The following DOCK3 variants were observed in gnomAD, a reference collection of about 807,000 sequenced individuals.
DOCK3 encodes dedicator of cytokinesis 3.
DOCK3 carries 60 observed loss-of-function variants against 265.6 expected under a neutral mutation model. That is an observed-to-expected ratio of 0.23 (90% CI 0.18 to 0.28). The LOEUF (loss-of-function observed/expected upper bound fraction) is 0.28. Among genes scored for constraint, DOCK3 ranks in the 10% least tolerant of loss-of-function variants. The pLI is 1.00. For synonymous variants in DOCK3, 881 were observed against 938.0 expected, an observed-to-expected ratio of 0.94 and a Z score of 1.11; for missense variants, 1,981 against 2,594.3, an observed-to-expected ratio of 0.76 and a Z score of 5.14.
At chr3:50,928,127 TGA>T (rs1491438086) in intron 4 of DOCK3, among the ~76,000 whole-genome samples, 1 of 60,116 alleles carries the variant, frequency 1.7e-5, no homozygotes. Flanking sequence ...TTTATTGTGA[TGA>T]TATATATATA....
chr3:50,778,791 G>C (rs1326672937), intron 2 of DOCK3, 33 bp downstream of exon 2: 1 of 1,463,416 alleles, frequency 6.8e-7, no homozygotes, highest in Non-Finnish European at 9.3e-7. Context: ...CATAAATTGT[G>C]ATCATTTTTG....
intron 9 of DOCK3, among the ~76,000 whole-genome samples, chr3:51,131,079 C>T (rs980148792): frequency 6.6e-6 from 1 of 152,098 alleles, no homozygotes; most frequent in African/African-American, 2.4e-5. Context: ...CCTTTCCCAC[C>T]GTAATAGCCC....
intron 27 of DOCK3, among the ~76,000 whole-genome samples, chr3:51,305,733 CGCGTGTGTGT>C (rs1321767364): frequency 3.7e-5 from 5 of 135,620 alleles, no homozygotes; most frequent in South Asian, 2.4e-4. Flanking sequence ...TGTGTGTGTG[CGCGTGTGTGT>C]GTGTGTGTGT....
chr3:51,048,218 C>T (rs1474498637), intron 5 of DOCK3, among the ~76,000 whole-genome samples: 1 of 151,704 alleles, frequency 6.6e-6, no homozygotes, highest in African/African-American at 2.4e-5. Flanking sequence ...ATTAAGTATA[C>T]AATGAATGTA....
chr3:50,922,926 C>G (rs1164723941), intron 4 of DOCK3, among the ~76,000 whole-genome samples: 1 of 152,098 alleles, frequency 6.6e-6, no homozygotes, highest in Non-Finnish European at 1.5e-5. Context: ...CCCTTCCCAC[C>G]TTTTCCCCGA....
intron 5 of DOCK3, among the ~76,000 whole-genome samples, chr3:51,009,508 TTTC>T (rs1202684623): frequency 1.3e-5 from 2 of 152,312 alleles, no homozygotes; most frequent in South Asian, 2.1e-4. Context: ...TCTTCTCTCT[TTTC>T]TTCTTTATTA....
At chr3:51,143,744 G>A (rs1576225082) in intron 9 of DOCK3, among the ~76,000 whole-genome samples, 2 of 152,074 alleles carry the variant, frequency 1.3e-5, no homozygotes, top group East Asian at 1.9e-4. Flanking sequence ...TTTTTCTTAG[G>A]TGAATGTTTT....
intron 12 of DOCK3, among the ~76,000 whole-genome samples, chr3:51,197,835 C>T (rs541950109): frequency 2.0e-5 from 3 of 152,290 alleles, no homozygotes; most frequent in Non-Finnish European, 2.9e-5. Flanking sequence ...ATTCCTCACA[C>T]CTTAGTCCCA....
intron 5 of DOCK3, among the ~76,000 whole-genome samples, chr3:50,950,358 A>G (rs759082497): frequency 2.2e-4 from 33 of 152,290 alleles, no homozygotes; most frequent in Admixed American, 1.0e-3. Context: ...TGGAACTCTA[A>G]GTGTAGTAAT....
At chr3:50,739,095 T>C (rs570251938) in intron 1 of DOCK3, among the ~76,000 whole-genome samples, 1 of 152,268 alleles carries the variant, frequency 6.6e-6, no homozygotes, top group South Asian at 2.1e-4. Context: ...TTAGGTATAA[T>C]AGATTTAAAA....
intron 12 of DOCK3, among the ~76,000 whole-genome samples, chr3:51,168,473 C>T (rs190410534): frequency 2.9e-4 from 44 of 152,274 alleles, no homozygotes; most frequent in Admixed American, 7.2e-4. Context: ...ACAAAGCTGA[C>T]GAAAGCAAGC....
intron 5 of DOCK3, among the ~76,000 whole-genome samples, chr3:51,017,783 G>A (rs2108849132): frequency 6.6e-6 from 1 of 151,888 alleles, no homozygotes; most frequent in Non-Finnish European, 1.5e-5. Context: ...AATGATCATG[G>A]CTGAGAAAAA....
chr3:50,894,345 C>A (rs952886684), intron 4 of DOCK3, among the ~76,000 whole-genome samples: 2 of 151,878 alleles, frequency 1.3e-5, no homozygotes, highest in African/African-American at 2.4e-5. Flanking sequence ...ACAAAAAAAA[C>A]CCTGTCAACC....
intron 12 of DOCK3, among the ~76,000 whole-genome samples, chr3:51,193,265 G>A (rs537562782): frequency 3.0e-4 from 46 of 152,156 alleles, no homozygotes; most frequent in Non-Finnish European, 5.3e-4. Flanking sequence ...TGGTATAAAT[G>A]CAACTTGATC....
intron 21 of DOCK3, among the ~76,000 whole-genome samples, chr3:51,239,570 G>GTT (rs201308380): frequency 1.6e-5 from 2 of 123,624 alleles, no homozygotes; most frequent in African/African-American, 6.0e-5. Context: ...TTTTTTGTTT[G>GTT]TTTGTTTTTT....
At chr3:51,294,394 C>T (rs1474328964) in intron 27 of DOCK3, among the ~76,000 whole-genome samples, 6 of 149,698 alleles carry the variant, frequency 4.0e-5, no homozygotes, top group Non-Finnish European at 8.8e-5. Context: ...AAATTGAACT[C>T]GAGGCTGGGC....
intron 5 of DOCK3, among the ~76,000 whole-genome samples, chr3:50,953,761 AAG>A (rs1322970144): frequency 4.6e-5 from 7 of 152,112 alleles, no homozygotes; most frequent in African/African-American, 1.7e-4. Context: ...AGAGTGGGCA[AAG>A]AGAGTGAATT....
chr3:51,351,776 C>T (rs936239622), intron 40 of DOCK3, among the ~76,000 whole-genome samples: 1 of 151,762 alleles, frequency 6.6e-6, no homozygotes, highest in African/African-American at 2.4e-5. Context: ...TCTACCTCAG[C>T]CTCCCGAGTG....
intron 2 of DOCK3, among the ~76,000 whole-genome samples, chr3:50,794,265 G>C (rs2042646525): frequency 6.6e-6 from 1 of 152,152 alleles, no homozygotes; most frequent in South Asian, 2.1e-4. Context: ...ATCCAGTGCT[G>C]AGTTCAAGTA....
Sources: gnomAD v4.1 joint callset for allele counts (sites outside exome capture counted in the v4.1 genomes callset) on GRCh38, gnomAD v4.1.1 for gene constraint, MANE v1.5 for transcripts, NCBI Gene and HGNC (gene_info 2026-07-23, HGNC 2026-07-21) for gene names.